The following CFAP61 variants were observed in gnomAD, a reference collection of about 807,000 sequenced individuals.
The protein encoded by CFAP61 is cilia and flagella associated protein 61, also known as cilia- and flagella-associated protein 61.
A neutral mutation model predicts 135.6 loss-of-function variants in CFAP61; 107 were observed. That is an observed-to-expected ratio of 0.79 (90% CI 0.67 to 0.93). The LOEUF (loss-of-function observed/expected upper bound fraction) is 0.93. Among genes scored for constraint, CFAP61 ranks in the 40% least tolerant of loss-of-function variants. The pLI, the probability that CFAP61 is intolerant of heterozygous loss-of-function variation, is 0.00. For missense variants in CFAP61, 1,507 were observed against 1,556.2 expected (o/e 0.97, Z 0.53); for synonymous variants, 575 against 578.5 (o/e 0.99, Z 0.09).
intron 17 of CFAP61, 43 bp from the exon 18 acceptor site, chr20:20,228,206 C>T (rs10485596): frequency 0.11 from 167,026 of 1,571,784 alleles, 9,672 homozygotes; most frequent in South Asian, 0.13. Context: ...AACACTGCTA[C>T]GTTTTCTTTG....
chr20:20,123,971 GTTTTTT>G (rs35528584), intron 8 of CFAP61, among the ~76,000 whole-genome samples: 6 of 65,268 alleles, frequency 9.2e-5, no homozygotes, highest in South Asian at 6.5e-4. Context: ...ATATTCCTAA[GTTTTTT>G]TTTTTTTTTT....
chr20:20,113,225 G>T (rs1366847846), intron 8 of CFAP61, among the ~76,000 whole-genome samples: 2 of 151,988 alleles, frequency 1.3e-5, no homozygotes, highest in African/African-American at 4.8e-5. Flanking sequence ...TTGTTGACAT[G>T]GTCTATCTTA....
chr20:20,275,275 A>G (rs2053661361), intron 21 of CFAP61, among the ~76,000 whole-genome samples: 1 of 152,222 alleles, frequency 6.6e-6, no homozygotes, highest in African/African-American at 2.4e-5. Flanking sequence ...GACCACCCAC[A>G]ACGTGCTTCT....
chr20:20,257,828 G>A (rs2147000542), intron 20 of CFAP61, among the ~76,000 whole-genome samples: 1 of 152,194 alleles, frequency 6.6e-6, no homozygotes, highest in South Asian at 2.1e-4. Context: ...TTGGGAGGGA[G>A]GTGGCAAGGG....
intron 6 of CFAP61, among the ~76,000 whole-genome samples, chr20:20,089,822 A>G (rs1028825258): frequency 6.6e-6 from 1 of 152,154 alleles, no homozygotes; most frequent in Non-Finnish European, 1.5e-5. Context: ...ATGGAAGCGG[A>G]GTGGATGTCC....
intron 20 of CFAP61, among the ~76,000 whole-genome samples, chr20:20,260,358 GTAAATGAT>G (rs1312346607): frequency 2.0e-5 from 3 of 152,222 alleles, no homozygotes; most frequent in African/African-American, 7.2e-5. Context: ...AAAGAACACA[GTAAATGAT>G]GAACTGATCA....
intron 13 of CFAP61, among the ~76,000 whole-genome samples, chr20:20,180,926 A>G (rs1308382609): frequency 6.6e-6 from 1 of 152,062 alleles, no homozygotes; most frequent in East Asian, 1.9e-4. Flanking sequence ...AATACCACAC[A>G]TTCTCACTTA....
intron 17 of CFAP61, among the ~76,000 whole-genome samples, chr20:20,215,833 A>C (rs1021826165): frequency 6.6e-6 from 1 of 151,964 alleles, no homozygotes; most frequent in Non-Finnish European, 1.5e-5. Flanking sequence ...TATCATATTC[A>C]ACTAAAAATA....
chr20:20,111,960 T>C (rs995029979), intron 8 of CFAP61, among the ~76,000 whole-genome samples: 3 of 152,194 alleles, frequency 2.0e-5, no homozygotes, highest in Non-Finnish European at 4.4e-5. Flanking sequence ...AAGTTATTTA[T>C]GCAATACCTT....
Position 20,075,617 on chromosome 20 carries a change from TA to T in CFAP61, c.566+3del. The T allele has an allele frequency of 6.2e-7, 1 of 1,614,044 alleles. No homozygotes were observed. Among genetic ancestry groups the T allele is most frequent in the East Asian group, 2.2e-5 (1 of 44,864 alleles). Reference sequence around the variant, plus strand: ...TCAGCTGCACGTTCGCAAAGCCAGGTACAGTTGGAGTCATGCCTTGTGTGAC... The same window carrying T: ...TCAGCTGCACGTTCGCAAAGCCAGGTCAGTTGGAGTCATGCCTTGTGTGAC... On this transcript the variant is annotated splice_donor_region_variant and intron_variant, in intron 6 of 26. Transcript: ENST00000245957.
intron 13 of CFAP61, among the ~76,000 whole-genome samples, chr20:20,183,362 A>G (rs1189179218): frequency 6.6e-6 from 1 of 152,032 alleles, no homozygotes; most frequent in Non-Finnish European, 1.5e-5. Context: ...GAGTTTCACC[A>G]TGTCAGCTGG....
intron 9 of CFAP61, among the ~76,000 whole-genome samples, chr20:20,151,612 G>A (rs780977757): frequency 1.5e-4 from 23 of 151,838 alleles, no homozygotes; most frequent in Non-Finnish European, 2.8e-4. Context: ...GGATCACGAG[G>A]TCAGGAGATT....
At chr20:20,066,317 C>T (rs1158640773) in intron 2 of CFAP61, among the ~76,000 whole-genome samples, 4 of 152,144 alleles carry the variant, frequency 2.6e-5, no homozygotes, top group Non-Finnish European at 5.9e-5. Context: ...CCCAGCAATC[C>T]CATTACTGGG....
chr20:20,264,573 T>A (rs994861427), intron 21 of CFAP61, among the ~76,000 whole-genome samples: 1 of 152,206 alleles, frequency 6.6e-6, no homozygotes, highest in Non-Finnish European at 1.5e-5. Context: ...AGACTCAGAG[T>A]ATTTTCTTAT....
chr20:20,222,962 A>G (rs2048499421), intron 17 of CFAP61, among the ~76,000 whole-genome samples: 1 of 152,206 alleles, frequency 6.6e-6, no homozygotes, highest in South Asian at 2.1e-4. Flanking sequence ...GATTTCAGAA[A>G]TTTTATTCCT....
intron 21 of CFAP61, among the ~76,000 whole-genome samples, chr20:20,267,068 G>A (rs970036239): frequency 2.6e-5 from 4 of 152,202 alleles, no homozygotes; most frequent in Admixed American, 2.0e-4. Context: ...ACAGGGATCC[G>A]TGTACACCAG....
intron 22 of CFAP61, 81 bp downstream of exon 22, chr20:20,277,539 G>A (rs17401989): frequency 0.048 from 69,499 of 1,433,224 alleles, 1,992 homozygotes; most frequent in Non-Finnish European, 0.056. Flanking sequence ...GGAAGATTGC[G>A]GGCAGTGAAT....
intron 14 of CFAP61, 47 bp downstream of exon 14, chr20:20,188,103 TGAC>T: frequency 6.2e-7 from 1 of 1,605,742 alleles, no homozygotes; most frequent in Non-Finnish European, 8.5e-7. Flanking sequence ...ACCATTATGA[TGAC>T]CCATGTAGAT....
intron 25 of CFAP61, among the ~76,000 whole-genome samples, chr20:20,304,820 T>C (rs930141006): frequency 1.3e-5 from 2 of 152,004 alleles, no homozygotes; most frequent in African/African-American, 2.4e-5. Context: ...GCCTGTCAGG[T>C]ACCCGAACAC....
Sources: gnomAD v4.1 joint callset for allele counts (sites outside exome capture counted in the v4.1 genomes callset) on GRCh38, gnomAD v4.1.1 for gene constraint, MANE v1.5 for transcripts, NCBI Gene and HGNC (gene_info 2026-07-23, HGNC 2026-07-21) for gene names.